The following UBE3C variants were observed in gnomAD, a reference collection of about 807,000 sequenced individuals.
UBE3C encodes the protein ubiquitin protein ligase E3C, also known as ubiquitin-protein ligase E3C.
Under a neutral mutation model 129.4 loss-of-function variants are expected in UBE3C, and 42 were observed. That is an observed-to-expected ratio of 0.32 (90% CI 0.25 to 0.42). UBE3C has a LOEUF of 0.42. Ranked by LOEUF, UBE3C falls within the 10% of genes least tolerant of loss-of-function variation. The pLI, the probability that UBE3C is intolerant of heterozygous loss-of-function variation, is 1.00. For missense variants in UBE3C, 1,049 were observed against 1,319.1 expected, an observed-to-expected ratio of 0.80 and a Z score of 3.17; for synonymous variants, 510 against 492.4, an observed-to-expected ratio of 1.04 and a Z score of -0.47.
chr7:157,163,696 T>C lies in UBE3C; in HGVS notation c.67-114T>C, dbSNP rs544777239. 256 of 1,109,272 alleles carry C rather than the reference T, an allele frequency of 2.3e-4. 1 individual carries two copies. In the African/African-American group the frequency reaches 3.5e-3, roughly 15 times the overall value. The allele number at this position is 1,109,272 out of a possible 1,614,324, so 68.7% of individuals were successfully genotyped here. A position where few individuals can be genotyped will look rare whatever the true frequency, so the allele number is the denominator to read the frequency against. ...CTCATCTGATTAAGTCAAGACAGCT[T>C]GTTTGGATGATCTTTAGGATCTTTT... is the stretch of plus-strand genomic sequence containing the variant. On this transcript the variant is annotated intron_variant, in intron 1 of 22. Coordinates refer to ENST00000348165, the MANE Select transcript of UBE3C (RefSeq NM_014671.3).
chr7:157,199,571 G>A (rs1479629922), intron 10 of UBE3C, among the ~76,000 whole-genome samples: 2 of 151,904 alleles, frequency 1.3e-5, no homozygotes, highest in African/African-American at 4.8e-5. Context: ...CTCAGGTTCA[G>A]GCAATTCTCC....
chr7:157,176,565 G>A (rs189373134), intron 5 of UBE3C, among the ~76,000 whole-genome samples: 211 of 152,248 alleles, frequency 1.4e-3, no homozygotes, highest in African/African-American at 4.7e-3. Context: ...GTGAGCCACC[G>A]TGCCCAGCCA....
rs377435491 is a variant in UBE3C, at chr7:157,248,565, C to G, written c.2679C>G (p.Asp893Glu). 6.2e-7 allele frequency: 1 copy of G among 1,612,364 alleles called. No individual in the cohort carries two copies. Among genetic ancestry groups the G allele is most frequent in the Non-Finnish European group, 8.5e-7 (1 of 1,179,980 alleles). The change falls in exon 19 of 23, where the codon GAC (aspartate) becomes GAG (glutamate). Residue 893 changes from aspartate to glutamate, a missense_variant. By Grantham distance (45) the Asp-to-Glu change is conservative (BLOSUM62 2). Transcript: ENST00000348165. ...TGAACTTCACTGTGGTGAACAATGACCTGGGAGAGGCGCAGGTGAGGGGTC... is the reference window on the plus strand; with the variant it reads ...TGAACTTCACTGTGGTGAACAATGAGCTGGGAGAGGCGCAGGTGAGGGGTC... ...LGLNFTVVNN[D>E]LGEAQVVELK...
At chr7:157,204,454 TAGA>T (rs1809377465) in intron 11 of UBE3C, among the ~76,000 whole-genome samples, 2 of 150,218 alleles carry the variant, frequency 1.3e-5, no homozygotes, top group Non-Finnish European at 3.0e-5. Context: ...AGACTTGGGT[TAGA>T]AACCCTGGAG....
intron 2 of UBE3C, among the ~76,000 whole-genome samples, chr7:157,166,916 T>TGGA: frequency 8.9e-6 from 1 of 112,560 alleles, no homozygotes. Context: ...TTCCTGTTGG[T>TGGA]GGTGGTGGTG....
At chr7:157,262,274 A>G (rs1276844168) in intron 22 of UBE3C, among the ~76,000 whole-genome samples, 1 of 152,082 alleles carries the variant, frequency 6.6e-6, no homozygotes, top group Non-Finnish European at 1.5e-5. Context: ...CAAATAAACT[A>G]TAATTAGAAA....
intron 18 of UBE3C, among the ~76,000 whole-genome samples, chr7:157,232,593 C>T (rs1233942841): frequency 6.6e-6 from 1 of 152,212 alleles, no homozygotes; most frequent in African/African-American, 2.4e-5. Context: ...CTCAAGTGGT[C>T]CACCTGCCTT....
chr7:157,201,664 A>ATT (rs1809287322), intron 10 of UBE3C, 57 bp from the exon 11 acceptor site: 1 of 575,162 alleles, frequency 1.7e-6, no homozygotes, highest in Non-Finnish European at 2.6e-6. Context: ...TTTTTAAGAA[A>ATT]TGTTTTGAAT....
chr7:157,184,103 C>T, intron 9 of UBE3C, 74 bp downstream of exon 9: 1 of 1,564,002 alleles, frequency 6.4e-7, no homozygotes, highest in Non-Finnish European at 8.7e-7. Context: ...TTCTGTCCAC[C>T]CGTAGTTTCA....
chr7:157,152,053 A>G (rs1807770095), intron 1 of UBE3C, among the ~76,000 whole-genome samples: 1 of 152,168 alleles, frequency 6.6e-6, no homozygotes, highest in Non-Finnish European at 1.5e-5. Flanking sequence ...TTTACATATT[A>G]ACATTACTGT....
At chr7:157,241,540 G>A (rs528343775) in intron 18 of UBE3C, among the ~76,000 whole-genome samples, 414 of 152,308 alleles carry the variant, frequency 2.7e-3, no homozygotes, top group Non-Finnish European at 3.6e-3. Context: ...CGAGTACGGC[G>A]GGAATCAAAC....
intron 10 of UBE3C, among the ~76,000 whole-genome samples, chr7:157,194,752 G>A (rs1239322592): frequency 7.2e-5 from 11 of 152,154 alleles, no homozygotes; most frequent in Non-Finnish European, 1.6e-4. Flanking sequence ...GAGGAAAAGG[G>A]GTCCTTGTTA....
chr7:157,247,079 C>T lies in UBE3C; in HGVS notation c.2482-1289C>T, dbSNP rs556425824. Among the ~76,000 whole-genome samples the T allele has an allele frequency of 2.1e-4, 32 of 152,088 alleles. 1 individual carries two copies. The South Asian group carries it at 5.6e-3, about 27-fold the overall frequency. On this transcript the variant is annotated intron_variant, in intron 18 of 22. Transcript: ENST00000348165. The stretch of plus-strand genomic sequence containing the variant: ...CTAATTTTTTTTTATTTAGTAGAGA[C>T]GGGGTTTCACCATGTCGGTTGGTCT...
In UBE3C at chr7:157,267,693, A is replaced by T. The variant is rs747649432; in HGVS notation, c.3190A>T (p.Thr1064Ser). The change falls in exon 23 of 23, where the codon ACA becomes TCA. Residue 1064 changes from threonine (T) to serine (S), a missense_variant. Physicochemically the swap from Thr to Ser is moderately conservative, Grantham distance 58 (BLOSUM62 1). Transcript: ENST00000348165. ...LLKLPEFYDE[T>S]LLRSKLLYAI... ...GAAGCTCCCCGAGTTCTATGACGAG[A>T]CACTTTTGCGAAGTAAACTTCTCTA... 2.5e-6 allele frequency: 4 copies of T among 1,613,454 alleles called. No individual in the cohort carries two copies. The highest frequency in any genetic ancestry group is 2.5e-6 in the Non-Finnish European group (3 of 1,179,856).
intron 13 of UBE3C, among the ~76,000 whole-genome samples, chr7:157,210,845 A>G (rs1043821080): frequency 6.6e-6 from 1 of 152,198 alleles, no homozygotes; most frequent in Non-Finnish European, 1.5e-5. Flanking sequence ...TTTGTGTGAG[A>G]GGCTCTGCTG....
chr7:157,146,434 G>A (rs2116796350), intron 1 of UBE3C, among the ~76,000 whole-genome samples: 1 of 152,104 alleles, frequency 6.6e-6, no homozygotes, highest in South Asian at 2.1e-4. Context: ...TGTTGGTCAG[G>A]CTGGTCTCGA....
At chr7:157,163,400 A>AG (rs1381806739) in intron 1 of UBE3C, among the ~76,000 whole-genome samples, 1 of 151,532 alleles carries the variant, frequency 6.6e-6, no homozygotes, top group East Asian at 1.9e-4. Flanking sequence ...AAAAAAAAAA[A>AG]AAAAAGGAAA....
At chr7:157,143,881 A>G (rs1217964467) in intron 1 of UBE3C, among the ~76,000 whole-genome samples, 2 of 152,146 alleles carry the variant, frequency 1.3e-5, no homozygotes, top group Non-Finnish European at 2.9e-5. Context: ...CTCGTGAGGT[A>G]CTGCAACATT....
rs1430975686 is a variant in UBE3C at position 157,198,662 on chromosome 7, G to A, written c.1332-3059G>A. Among the ~76,000 whole-genome samples, 4 of 151,888 alleles carry A rather than the reference G, an allele frequency of 2.6e-5. No homozygotes were observed. In the East Asian group the frequency reaches 7.7e-4, roughly 29 times the overall value. On this transcript the variant is annotated intron_variant, in intron 10 of 22. Coordinates refer to ENST00000348165, the MANE Select transcript of UBE3C (RefSeq NM_014671.3). ...CGATTCTCCTGCCTCAGCCTCCTGA[G>A]CAGCTGGGATTACAGGCATGCGCCA...
Sources: gnomAD v4.1 joint callset for allele counts (sites outside exome capture counted in the v4.1 genomes callset) on GRCh38, gnomAD v4.1.1 for gene constraint, MANE v1.5 for transcripts, NCBI Gene and HGNC (gene_info 2026-07-23, HGNC 2026-07-21) for gene names.